Variants in C19orf25 observed in about 807,000 individuals in gnomAD.
C19orf25 encodes the protein UPF0449 protein C19orf25.
Under a neutral mutation model 3.1 loss-of-function variants are expected in C19orf25, and 1 was observed. The ratio of observed to expected loss-of-function variants is 0.32; its 90% CI spans 0.12 to 1.54. The LOEUF (loss-of-function observed/expected upper bound fraction) is 1.54, where lower values mean the gene tolerates loss of function less well. Among genes scored for constraint, C19orf25 ranks in the 40% most tolerant of loss-of-function variants. C19orf25 has a pLI of 0.38. For missense variants in C19orf25, 196 were observed against 160.4 expected, an observed-to-expected ratio of 1.22 and a Z score of -1.20; for synonymous variants, 91 against 74.3, an observed-to-expected ratio of 1.23 and a Z score of -1.16.
At position 1,475,167 on chromosome 19, in the gene C19orf25, C is replaced by T. The variant is rs1314667931; in HGVS notation, c.222G>A (p.Gln74=). 2 of 1,580,126 alleles carry T rather than the reference C, an allele frequency of 1.3e-6. No individual in the cohort carries two copies. Among genetic ancestry groups the T allele is most frequent in the Non-Finnish European group, 1.7e-6 (2 of 1,164,428 alleles). Residue 74 remains glutamine (Q), a synonymous_variant, in exon 3 of 3, where the codon CAG becomes CAA. Coordinates refer to ENST00000585675, the MANE Select transcript of C19orf25 (RefSeq NM_152482.3). The part of the protein sequence containing the change: ...QQSRAYVAAN[Q]RLQQAGNVLR... ...GCACGTTGCCCGCCTGCTGCAGCCG[C>T]TGGTTGGCAGCCACGTAGGCCCGGC... is the stretch of plus-strand genomic sequence containing the variant.
chr19:1,476,625 G>A (rs972719141), intron 2 of C19orf25: 1 of 261,440 alleles, frequency 3.8e-6, no homozygotes, highest in Non-Finnish European at 7.2e-6. Flanking sequence ...ATGTCTAAAG[G>A]GAAAACACAA....
Position 1,475,119 on chromosome 19 carries a change from CAGG to C in C19orf25, c.267_269del (p.Leu90del). The C allele has an allele frequency of 4.4e-6, 7 of 1,603,140 alleles. No homozygotes were observed. The highest frequency in any genetic ancestry group is 1.1e-5 in the South Asian group (1 of 89,274). ...GCTCCAGGTCCTCGCCGGCTCGCTG[CAGG>C]AGCTCACACCTCTGCCTCAGCACGT... is the stretch of plus-strand genomic sequence containing the variant. On this transcript the variant is annotated inframe_deletion, in exon 3 of 3. Transcript: ENST00000585675.
In C19orf25 at chr19:1,473,507, G is replaced by A. The variant is rs2084170990; in HGVS notation, c.*1525C>T. ...CACCCCAGACAGGGGGTCCAACCTG[G>A]GCATTGGTACCTGGGCCAGTTATTA... is the stretch of plus-strand genomic sequence containing the variant. On this transcript the variant is annotated 3_prime_UTR_variant, in exon 3 of 3. Transcript: ENST00000585675. 6.6e-6 allele frequency: 1 copy of A among 152,300 alleles called. No homozygotes were observed. Among genetic ancestry groups the A allele is most frequent in the African/African-American group, 2.4e-5 (1 of 41,470 alleles). 9.4% of individuals were successfully genotyped at this position (152,300 alleles called of 1,614,324 possible). A position where few individuals can be genotyped will look rare whatever the true frequency, so the allele number is the denominator to read the frequency against.
intron 2 of C19orf25, chr19:1,478,423 GT>G (rs201744981): frequency 2.1e-6 from 1 of 481,910 alleles, no homozygotes; most frequent in Non-Finnish European, 3.3e-6. Context: ...TTTTGTTTTT[GT>G]TTTTGTTTTT....
intron 2 of C19orf25, 189 bp from the exon 3 acceptor site, chr19:1,475,447 G>C (rs752551321): frequency 1.7e-6 from 1 of 600,636 alleles, no homozygotes; most frequent in Non-Finnish European, 2.9e-6. Context: ...TTGGGAGGCC[G>C]AGGCGGGAGG....
intron 2 of C19orf25, chr19:1,478,434 T>C: frequency 2.0e-6 from 1 of 496,848 alleles, no homozygotes; most frequent in Non-Finnish European, 3.2e-6. Flanking sequence ...TTTTTGTTTT[T>C]GTTTTGTTTT....
At chr19:1,477,693 A>C (rs958358133) in intron 2 of C19orf25, among the ~76,000 whole-genome samples, 1 of 152,142 alleles carries the variant, frequency 6.6e-6, no homozygotes, top group African/African-American at 2.4e-5. Flanking sequence ...TACCTCTTTC[A>C]GGTGTCAGAA....
At chr19:1,475,553 G>A (rs969050313) in intron 2 of C19orf25, 4 of 385,454 alleles carry the variant, frequency 1.0e-5, no homozygotes, top group East Asian at 4.3e-5. Flanking sequence ...GCTGGGCGTG[G>A]TAGCACGCAT....
chr19:1,477,216 G>A (rs558699429), intron 2 of C19orf25, among the ~76,000 whole-genome samples: 1 of 152,136 alleles, frequency 6.6e-6, no homozygotes, highest in South Asian at 2.1e-4. Flanking sequence ...TGGCCAGGGT[G>A]GCCTTGAACT....
intron 2 of C19orf25, 152 bp from the exon 3 acceptor site, chr19:1,475,410 G>T (rs1159923503): frequency 1.3e-6 from 1 of 751,108 alleles, no homozygotes; most frequent in Non-Finnish European, 2.1e-6. Flanking sequence ...AGCCAGGTGT[G>T]GTGGCTCACG....
chr19:1,477,962 C>T (rs2084222709), intron 2 of C19orf25, among the ~76,000 whole-genome samples: 1 of 152,144 alleles, frequency 6.6e-6, no homozygotes, highest in African/African-American at 2.4e-5. Flanking sequence ...GCCTCAGTCT[C>T]CTGAGTGGCT....
Position 1,475,014 on chromosome 19 carries a change from C to G in C19orf25, c.*18G>C. The G allele has an allele frequency of 1.3e-6, 2 of 1,564,280 alleles. No homozygotes were observed. The highest frequency in any genetic ancestry group is 3.7e-5 in the Admixed American group (2 of 53,964). ...CAGGCCACCTTGTGCGCTGCCCAAG[C>G]CTGCAGGCCCCGAGAGGTCAGCCTG... On this transcript the variant is annotated 3_prime_UTR_variant, in exon 3 of 3. Transcript: ENST00000585675.
chr19:1,476,392 G>GT (rs1431852817), intron 2 of C19orf25: 4 of 397,682 alleles, frequency 1.0e-5, no homozygotes, highest in African/African-American at 4.1e-5. Context: ...CCCGCACAGC[G>GT]TGCCTCAGTT....
At chr19:1,478,650 G>A (rs955841121) in intron 2 of C19orf25, 124 bp downstream of exon 2, 18 of 1,496,150 alleles carry the variant, frequency 1.2e-5, no homozygotes, top group East Asian at 2.5e-5. Flanking sequence ...GAGAGGATAC[G>A]GACCGTGCCC....
intron 2 of C19orf25, chr19:1,475,466 A>G (rs1443867136): frequency 5.2e-6 from 3 of 576,484 alleles, no homozygotes; most frequent in East Asian, 2.8e-5. Context: ...GGAACACTTG[A>G]GCCCAAGAGT....
At chr19:1,478,629 A>G in intron 2 of C19orf25, 145 bp downstream of exon 2, 1 of 1,447,516 alleles carries the variant, frequency 6.9e-7, no homozygotes, top group Non-Finnish European at 9.1e-7. Context: ...GGAGGAGTAG[A>G]GGGAGACTCG....
chr19:1,477,294 A>C (rs1355232783), intron 2 of C19orf25, among the ~76,000 whole-genome samples: 2 of 152,154 alleles, frequency 1.3e-5, no homozygotes, highest in African/African-American at 4.8e-5. Context: ...GAGCCACCGC[A>C]CCTGGCCGAT....
chr19:1,473,565 A>C lies in C19orf25; in HGVS notation c.*1467T>G, dbSNP rs913013113. ...CCCCAGTGTGGGGCAGGAGGCACCCATGAGCCACTAGGAGCTGTGGCTGGT... is the reference window on the plus strand; with the variant it reads ...CCCCAGTGTGGGGCAGGAGGCACCCCTGAGCCACTAGGAGCTGTGGCTGGT... On this transcript the variant is annotated 3_prime_UTR_variant, in exon 3 of 3. Coordinates refer to ENST00000585675, the MANE Select transcript of C19orf25 (RefSeq NM_152482.3). The C allele has an allele frequency of 1.3e-5, 2 of 152,230 alleles. No individual in the cohort carries two copies. The highest frequency in any genetic ancestry group is 4.8e-5 in the African/African-American group (2 of 41,424). The allele number at this position is 152,230 out of a possible 1,614,324, so 9.4% of individuals were successfully genotyped here. A position where few individuals can be genotyped will look rare whatever the true frequency, so the allele number is the denominator to read the frequency against.
chr19:1,479,041 T>C, intron 1 of C19orf25, 122 bp downstream of exon 1: 1 of 850,140 alleles, frequency 1.2e-6, no homozygotes, highest in East Asian at 3.2e-5. Flanking sequence ...CCCGCCCCTC[T>C]GAGCTCGCCC....
Sources: gnomAD v4.1 joint callset for allele counts (sites outside exome capture counted in the v4.1 genomes callset) on GRCh38, gnomAD v4.1.1 for gene constraint, MANE v1.5 for transcripts, NCBI Gene and HGNC (gene_info 2026-07-23, HGNC 2026-07-21) for gene names.